ARHGAP15: variants seen among roughly 807,000 people sequenced by gnomAD.
ARHGAP15 encodes the protein rho GTPase-activating protein 15.
Under a neutral mutation model 63.7 loss-of-function variants are expected in ARHGAP15, and 51 were observed. That is an observed-to-expected ratio of 0.80 (90% CI 0.64 to 1.01). ARHGAP15 has a LOEUF of 1.01. Among genes scored for constraint, ARHGAP15 ranks in the 50% least tolerant of loss-of-function variants. ARHGAP15 has a pLI of 0.00. For missense variants in ARHGAP15, 560 were observed against 564.6 expected (o/e 0.99, Z 0.08); for synonymous variants, 191 against 193.8 (o/e 0.99, Z 0.12).
chr2:143,738,799 T>C (rs972040016), intron 13 of ARHGAP15, among the ~76,000 whole-genome samples: 1 of 152,202 alleles, frequency 6.6e-6, no homozygotes, highest in African/African-American at 2.4e-5. Flanking sequence ...CAGACTGATA[T>C]GTCCTTAACG....
intron 11 of ARHGAP15, among the ~76,000 whole-genome samples, chr2:143,610,587 C>G (rs1322559851): frequency 3.3e-5 from 5 of 152,164 alleles, no homozygotes; most frequent in Non-Finnish European, 7.4e-5. Context: ...TGTTTCATTC[C>G]TCTCAACTTT....
intron 11 of ARHGAP15, among the ~76,000 whole-genome samples, chr2:143,613,877 C>T (rs1298463519): frequency 6.6e-6 from 1 of 152,162 alleles, no homozygotes; most frequent in Non-Finnish European, 1.5e-5. Flanking sequence ...CTACATGCTA[C>T]TGCCAGAGCA....
intron 6 of ARHGAP15, among the ~76,000 whole-genome samples, chr2:143,311,899 C>T (rs1369882336): frequency 1.3e-5 from 2 of 152,058 alleles, no homozygotes; most frequent in East Asian, 3.9e-4. Flanking sequence ...GACCAAATTC[C>T]TTTATGTGTT....
chr2:143,629,477 A>G (rs774777971), intron 12 of ARHGAP15, among the ~76,000 whole-genome samples: 201 of 152,304 alleles, frequency 1.3e-3, no homozygotes, highest in Admixed American at 3.2e-3. Context: ...AGAAAAGCAC[A>G]GCCAGGGAGT....
intron 6 of ARHGAP15, among the ~76,000 whole-genome samples, chr2:143,362,131 C>T (rs994736201): frequency 3.9e-5 from 6 of 152,156 alleles, no homozygotes; most frequent in Middle Eastern, 3.2e-3. Flanking sequence ...CATTCCTAAT[C>T]GCTTTCCCCA....
chr2:143,500,636 A>G (rs1042202520), intron 9 of ARHGAP15, among the ~76,000 whole-genome samples: 2 of 152,180 alleles, frequency 1.3e-5, no homozygotes, highest in South Asian at 2.1e-4. Flanking sequence ...ATATTTATTT[A>G]CTGCTCAAAT....
intron 8 of ARHGAP15, among the ~76,000 whole-genome samples, chr2:143,479,849 TGTA>T (rs1194955376): frequency 7.0e-6 from 1 of 142,512 alleles, no homozygotes; most frequent in Non-Finnish European, 1.5e-5. Context: ...TTTCTGAAAA[TGTA>T]GTATTTTCAT....
intron 11 of ARHGAP15, among the ~76,000 whole-genome samples, chr2:143,605,858 CAAAAAAAA>C (rs373847590): frequency 1.8e-4 from 15 of 85,308 alleles, no homozygotes; most frequent in South Asian, 9.8e-4. Flanking sequence ...TACTAAAATA[CAAAAAAAA>C]AAAAAAAAAA....
chr2:143,571,562 C>A (rs1223359085), intron 11 of ARHGAP15, among the ~76,000 whole-genome samples: 1 of 152,218 alleles, frequency 6.6e-6, no homozygotes, highest in Non-Finnish European at 1.5e-5. Flanking sequence ...AGTCTCCTAA[C>A]ATCCATGGGA....
intron 12 of ARHGAP15, among the ~76,000 whole-genome samples, chr2:143,673,740 G>GTATA (rs1220407141): frequency 1.1e-4 from 3 of 28,484 alleles, no homozygotes; most frequent in African/African-American, 1.8e-4. Context: ...GTGTGTGTGT[G>GTATA]TGTGTGTGTG....
At chr2:143,581,806 T>C (rs1486054114) in intron 11 of ARHGAP15, among the ~76,000 whole-genome samples, 1 of 152,196 alleles carries the variant, frequency 6.6e-6, no homozygotes, top group East Asian at 1.9e-4. Flanking sequence ...CCAGAATCTT[T>C]GGAAGAGCAA....
At chr2:143,397,314 G>GTA (rs1233009242) in intron 6 of ARHGAP15, among the ~76,000 whole-genome samples, 1 of 106,414 alleles carries the variant, frequency 9.4e-6, no homozygotes, top group African/African-American at 3.0e-5. Context: ...TATGAGATAT[G>GTA]TATGTGTGTG....
intron 9 of ARHGAP15, among the ~76,000 whole-genome samples, chr2:143,489,296 A>G (rs1692470781): frequency 6.6e-6 from 1 of 152,208 alleles, no homozygotes; most frequent in Non-Finnish European, 1.5e-5. Flanking sequence ...ACCGCTAAAC[A>G]CACTCTGATT....
At chr2:143,164,570 T>C (rs1369438119) in intron 2 of ARHGAP15, among the ~76,000 whole-genome samples, 3 of 152,050 alleles carry the variant, frequency 2.0e-5, no homozygotes, top group East Asian at 1.9e-4. Context: ...AGCAGATTTA[T>C]GGATGTGCTG....
At chr2:143,349,543 A>T (rs184442200) in intron 6 of ARHGAP15, among the ~76,000 whole-genome samples, 35 of 152,334 alleles carry the variant, frequency 2.3e-4, no homozygotes, top group African/African-American at 7.7e-4. Context: ...GCATGTGAAG[A>T]TATCTCTGCT....
chr2:143,440,396 C>A (rs1362129167), intron 8 of ARHGAP15, among the ~76,000 whole-genome samples: 2 of 152,112 alleles, frequency 1.3e-5, no homozygotes, highest in East Asian at 3.9e-4. Flanking sequence ...TCAACAGTAT[C>A]CTCTTCCTTA....
chr2:143,447,580 C>G (rs1209508695), intron 8 of ARHGAP15, among the ~76,000 whole-genome samples: 4 of 152,180 alleles, frequency 2.6e-5, no homozygotes, highest in Admixed American at 6.5e-5. Context: ...CAGGACCACT[C>G]TATTCCATTA....
At chr2:143,761,519 A>T (rs996972909) in intron 13 of ARHGAP15, among the ~76,000 whole-genome samples, 3 of 150,098 alleles carry the variant, frequency 2.0e-5, no homozygotes, top group Non-Finnish European at 4.5e-5. Context: ...ACTTAAAAGA[A>T]AGTTCACATC....
At chr2:143,336,444 T>C (rs532314961) in intron 6 of ARHGAP15, among the ~76,000 whole-genome samples, 1 of 152,254 alleles carries the variant, frequency 6.6e-6, no homozygotes, top group African/African-American at 2.4e-5. Flanking sequence ...ACTAGCAAAA[T>C]TGACGGAGGG....
Sources: gnomAD v4.1 joint callset for allele counts (sites outside exome capture counted in the v4.1 genomes callset) on GRCh38, gnomAD v4.1.1 for gene constraint, MANE v1.5 for transcripts, NCBI Gene and HGNC (gene_info 2026-07-23, HGNC 2026-07-21) for gene names.